Variants in DENND2C observed in about 807,000 individuals in gnomAD.
DENND2C encodes DENN domain-containing protein 2C.
In DENND2C, 72 loss-of-function variants were observed where a neutral mutation model predicts 112.4. The observed-to-expected ratio is 0.64, with a 90% CI of 0.53 to 0.78. The LOEUF is 0.78. Ranked by LOEUF, DENND2C falls within the 30% of genes least tolerant of loss-of-function variation. DENND2C has a pLI of 0.00. For missense variants in DENND2C, 992 were observed against 1,113.8 expected (o/e 0.89, Z 1.56); for synonymous variants, 329 against 381.6 (o/e 0.86, Z 1.61).
intron 11 of DENND2C, 135 bp from the exon 12 acceptor site, chr1:114,602,329 G>T: frequency 1.3e-6 from 1 of 782,946 alleles, no homozygotes; most frequent in Non-Finnish European, 2.0e-6. Flanking sequence ...ACCACTTACG[G>T]CATTCTCCAT....
chr1:114,660,180 T>C (rs147976884), intron 1 of DENND2C, among the ~76,000 whole-genome samples: 1 of 152,324 alleles, frequency 6.6e-6, no homozygotes, highest in African/African-American at 2.4e-5. Context: ...ATATAGTAAA[T>C]AGGTACAGTT....
chr1:114,653,939 G>A (rs980526051), intron 2 of DENND2C, among the ~76,000 whole-genome samples: 4 of 152,076 alleles, frequency 2.6e-5, no homozygotes, highest in South Asian at 2.1e-4. Flanking sequence ...TCTGAAATAC[G>A]ATGAAGTTGT....
chr1:114,666,429 T>C (rs6658815), intron 1 of DENND2C, among the ~76,000 whole-genome samples: 133,172 of 152,238 alleles, frequency 0.87, 58,748 homozygotes, highest in African/African-American at 0.96. Context: ...AGACCTAGCA[T>C]CAGAAGACTT....
chr1:114,616,966 T>C (rs959641673), intron 8 of DENND2C, among the ~76,000 whole-genome samples: 1 of 152,152 alleles, frequency 6.6e-6, no homozygotes, highest in Non-Finnish European at 1.5e-5. Flanking sequence ...AGGCACTTCT[T>C]ACATGGTGGC....
At chr1:114,643,008 T>G (rs1383662100) in intron 3 of DENND2C, among the ~76,000 whole-genome samples, 2 of 152,196 alleles carry the variant, frequency 1.3e-5, no homozygotes, top group African/African-American at 4.8e-5. Context: ...AATTCTGAAT[T>G]TGCCTTATAG....
intron 2 of DENND2C, among the ~76,000 whole-genome samples, chr1:114,649,716 A>G (rs982176191): frequency 1.3e-5 from 2 of 152,166 alleles, no homozygotes; most frequent in Non-Finnish European, 2.9e-5. Flanking sequence ...GACTTGGTAA[A>G]TTCTTAGCAA....
Position 114,669,465 on chromosome 1 carries a change from A to C in DENND2C, c.-574+518T>G, listed in dbSNP as rs1657730645. Among the ~76,000 whole-genome samples the C allele has an allele frequency of 1.3e-5, 2 of 152,210 alleles. 1 individual carries two copies. Among genetic ancestry groups the C allele is most frequent in the South Asian group, 4.1e-4 (2 of 4,830 alleles). On this transcript the variant is annotated intron_variant, in intron 1 of 20. Transcript: ENST00000393274. Reference sequence around the variant, plus strand: ...AAGCTCTTAGGTGTTCCACTGTCAGACTTTTAAATTAAAATTCTACTTGAC... The same window carrying C: ...AAGCTCTTAGGTGTTCCACTGTCAGCCTTTTAAATTAAAATTCTACTTGAC...
intron 18 of DENND2C, among the ~76,000 whole-genome samples, 161 bp from the exon 19 acceptor site, chr1:114,588,113 T>C (rs1570750541): frequency 6.6e-6 from 1 of 152,346 alleles, no homozygotes; most frequent in Middle Eastern, 3.4e-3. Flanking sequence ...CTGCACGACC[T>C]AGAAAAGGCT....
intron 16 of DENND2C, among the ~76,000 whole-genome samples, chr1:114,597,359 G>T (rs545400476): frequency 2.6e-4 from 39 of 151,992 alleles, no homozygotes; most frequent in Non-Finnish European, 4.4e-4. Context: ...CAGGAGAATC[G>T]CTTGAATCCA....
At position 114,639,285 on chromosome 1, in the gene DENND2C, T is replaced by C. The variant is rs560578130; in HGVS notation, c.-205+6163A>G. The stretch of plus-strand genomic sequence containing the variant: ...CAAAATTTAACATATAATTGCTATA[T>C]GATGAAGCCATTTGGCCAGGCGCGG... On this transcript the variant is annotated intron_variant, in intron 3 of 20. Transcript: ENST00000393274. Among the ~76,000 whole-genome samples, 8 of 152,292 alleles carry C rather than the reference T, an allele frequency of 5.3e-5. No individual in the cohort carries two copies. The South Asian group carries it at 1.7e-3, about 32-fold the overall frequency.
intron 3 of DENND2C, among the ~76,000 whole-genome samples, chr1:114,633,454 A>G (rs926983221): frequency 2.0e-5 from 3 of 150,208 alleles, no homozygotes; most frequent in African/African-American, 4.9e-5. Flanking sequence ...AAAAAAAAAA[A>G]AAAAAAAAGA....
chr1:114,610,094 A>T (rs532486716), intron 9 of DENND2C, among the ~76,000 whole-genome samples: 2 of 152,330 alleles, frequency 1.3e-5, no homozygotes, highest in South Asian at 4.1e-4. Flanking sequence ...AGGAACTGGA[A>T]CTGCCCTGTA....
At chr1:114,585,750 C>T in intron 20 of DENND2C, 119 bp from the exon 21 acceptor site, 1 of 1,003,700 alleles carries the variant, frequency 1.0e-6, no homozygotes, top group Non-Finnish European at 1.5e-6. Context: ...GCTGACATCT[C>T]AAACTCAGTT....
At chr1:114,659,485 G>C (rs1032063900) in intron 1 of DENND2C, among the ~76,000 whole-genome samples, 2 of 152,146 alleles carry the variant, frequency 1.3e-5, no homozygotes, top group African/African-American at 4.8e-5. Context: ...CTGAGCTACA[G>C]AGCTAGACTC....
At chr1:114,588,108 C>T (rs1369540440) in intron 18 of DENND2C, among the ~76,000 whole-genome samples, 156 bp from the exon 19 acceptor site, 1 of 152,158 alleles carries the variant, frequency 6.6e-6, no homozygotes, top group Non-Finnish European at 1.5e-5. Context: ...TCTTTCTGCA[C>T]GACCTAGAAA....
chr1:114,662,681 G>A (rs1177391621), intron 1 of DENND2C, among the ~76,000 whole-genome samples: 1 of 152,092 alleles, frequency 6.6e-6, no homozygotes, highest in Non-Finnish European at 1.5e-5. Flanking sequence ...CAAAAATAGG[G>A]GCCAGGCATA....
At chr1:114,594,224 G>A (rs1655277059) in intron 18 of DENND2C, among the ~76,000 whole-genome samples, 1 of 152,192 alleles carries the variant, frequency 6.6e-6, no homozygotes, top group Non-Finnish European at 1.5e-5. Context: ...CCTACAGGAA[G>A]AAAGGGCAGG....
chr1:114,596,711 G>A (rs1655352044), intron 16 of DENND2C, among the ~76,000 whole-genome samples: 1 of 151,968 alleles, frequency 6.6e-6, no homozygotes, highest in Admixed American at 6.6e-5. Context: ...TCACTCTTCT[G>A]TTTACTTTTA....
intron 2 of DENND2C, among the ~76,000 whole-genome samples, chr1:114,650,086 C>A (rs1457186312): frequency 1.3e-5 from 2 of 151,884 alleles, no homozygotes; most frequent in Non-Finnish European, 2.9e-5. Flanking sequence ...CTTTGGGAGG[C>A]CGAGGTGGGT....
Sources: allele counts gnomAD v4.1 joint callset (sites outside exome capture counted in the v4.1 genomes callset), GRCh38; gene constraint gnomAD v4.1.1; transcripts MANE v1.5; gene names NCBI Gene and HGNC (gene_info 2026-07-23, HGNC 2026-07-21).